Variants in SLC39A12 observed in about 807,000 individuals in gnomAD.
The protein encoded by SLC39A12 is zinc transporter ZIP12.
In SLC39A12, 63 loss-of-function variants were observed where a neutral mutation model predicts 71.1. The observed-to-expected ratio is 0.89, with a 90% CI of 0.72 to 1.09. SLC39A12 has a LOEUF of 1.09. SLC39A12 is among the 50% of genes least tolerant of loss of function. The pLI is 0.00. For missense variants in SLC39A12, 892 were observed against 812.6 expected, an observed-to-expected ratio of 1.10 and a Z score of -1.19; for synonymous variants, 351 against 301.3, an observed-to-expected ratio of 1.16 and a Z score of -1.71.
intron 1 of SLC39A12, among the ~76,000 whole-genome samples, chr10:17,952,776 C>T (rs1285169629): frequency 1.3e-5 from 2 of 152,136 alleles, no homozygotes. Context: ...TGTGAGCTAC[C>T]GCGCCTGGCC....
At chr10:17,997,038 GAAAAAGA>G (rs1334940461) in intron 10 of SLC39A12, among the ~76,000 whole-genome samples, 42 of 95,594 alleles carry the variant, frequency 4.4e-4, no homozygotes, top group African/African-American at 1.3e-3. Flanking sequence ...AAAAAAAAAA[GAAAAAGA>G]AAAAAGAAAA....
At chr10:18,042,463 GAAA>G (rs551298382) in intron 12 of SLC39A12, among the ~76,000 whole-genome samples, 14 of 115,050 alleles carry the variant, frequency 1.2e-4, no homozygotes, top group Admixed American at 5.0e-4. Flanking sequence ...TGCCTCAAAA[GAAA>G]AAAAAAAAAA....
chr10:18,013,357 T>TATG (rs2130864511), intron 12 of SLC39A12, among the ~76,000 whole-genome samples: 1 of 143,972 alleles, frequency 6.9e-6, no homozygotes, highest in Admixed American at 6.8e-5. Context: ...TTATTATTAT[T>TATG]ATTATTATTA....
In SLC39A12 at chr10:18,015,877, T is replaced by C. The variant is rs139986798; in HGVS notation, c.1947+12519T>C. 4.6e-5 allele frequency among the ~76,000 whole-genome samples: 7 copies of C among 152,248 alleles called. No homozygotes were observed. The East Asian group carries it at 1.4e-3, about 29-fold the overall frequency. On this transcript the variant is annotated intron_variant, in intron 12 of 12. Coordinates refer to ENST00000377369, the MANE Select transcript of SLC39A12 (RefSeq NM_001145195.2). ...GCATGACTGAAAAATGGATTTTTTT[T>C]TGGTTAAACTTTATTTTTAGGGCAG... is the stretch of plus-strand genomic sequence containing the variant.
chr10:18,040,217 A>G (rs993251945), intron 12 of SLC39A12, among the ~76,000 whole-genome samples: 1 of 152,178 alleles, frequency 6.6e-6, no homozygotes, highest in Non-Finnish European at 1.5e-5. Flanking sequence ...TTTATAATTG[A>G]TGAATCAGAT....
rs1438739668 is a variant in SLC39A12 at position 18,041,618 on chromosome 10, CATATGTATATATGTGTATAT to C, written c.1948-1075_1948-1056del. ...ATATATGTGTATATATATGTATATACATATGTATATATGTGTATATATATGTATATACATATGTATATATG... is the reference window on the plus strand; with the variant it reads ...ATATATGTGTATATATATGTATATACATATGTATATACATATGTATATATG... On this transcript the variant is annotated intron_variant, in intron 12 of 12. Coordinates refer to ENST00000377369, the MANE Select transcript of SLC39A12 (RefSeq NM_001145195.2). Among the ~76,000 whole-genome samples the C allele has an allele frequency of 9.6e-4, 121 of 126,004 alleles. 8 individuals are homozygous for C. The South Asian group carries it at 0.015, about 16-fold the overall frequency. The allele number at this position is 126,004 out of a possible 152,430, so 82.7% of individuals were successfully genotyped here. A position where few individuals can be genotyped will look rare whatever the true frequency, so the allele number is the denominator to read the frequency against.
At chr10:18,012,245 A>G (rs1400096989) in intron 12 of SLC39A12, among the ~76,000 whole-genome samples, 1 of 152,212 alleles carries the variant, frequency 6.6e-6, no homozygotes, top group Non-Finnish European at 1.5e-5. Context: ...ATTCCATGAA[A>G]AAAAGGAAAA....
At chr10:17,970,275 T>C (rs1834934330) in intron 4 of SLC39A12, among the ~76,000 whole-genome samples, 1 of 152,210 alleles carries the variant, frequency 6.6e-6, no homozygotes, top group Admixed American at 6.5e-5. Context: ...TCTGGATCTT[T>C]TGTGATTCCA....
chr10:18,036,804 T>A (rs1276788856), intron 12 of SLC39A12, among the ~76,000 whole-genome samples: 3 of 128,560 alleles, frequency 2.3e-5, no homozygotes, highest in African/African-American at 9.1e-5. Context: ...ATTTTTTTTT[T>A]TAATGGAATC....
At chr10:17,954,287 C>T (rs1554847525) in intron 2 of SLC39A12, among the ~76,000 whole-genome samples, 1 of 152,062 alleles carries the variant, frequency 6.6e-6, no homozygotes, top group Non-Finnish European at 1.5e-5. Flanking sequence ...AGAGTCTCGC[C>T]CTGTTGCCCA....
chr10:17,995,017 G>A (rs909391526), intron 9 of SLC39A12, among the ~76,000 whole-genome samples: 4 of 152,186 alleles, frequency 2.6e-5, no homozygotes, highest in Non-Finnish European at 5.9e-5. Context: ...ATAAAATCAC[G>A]TAATCTTACC....
Position 18,035,098 on chromosome 10 carries a change from A to G in SLC39A12, c.1948-7607A>G, listed in dbSNP as rs1467585118. On this transcript the variant is annotated intron_variant, in intron 12 of 12. Transcript: ENST00000377369. ...CCTTAACATTTTTTCCTTCATTTCA[A>G]CTTTGGTGAATCTGACAATTATGTG... 4.3e-5 allele frequency among the ~76,000 whole-genome samples: 6 copies of G among 139,934 alleles called. No homozygotes were observed. In the South Asian group the frequency reaches 9.4e-4, roughly 22 times the overall value. The allele number at this position is 139,934 out of a possible 152,430, so 91.8% of individuals were successfully genotyped here.
intron 12 of SLC39A12, among the ~76,000 whole-genome samples, chr10:18,020,573 T>A (rs536585152): frequency 6.6e-6 from 1 of 152,146 alleles, no homozygotes; most frequent in Non-Finnish European, 1.5e-5. Flanking sequence ...CTGAACTAAT[T>A]TACATTTTCA....
intron 12 of SLC39A12, among the ~76,000 whole-genome samples, chr10:18,038,668 A>C (rs953072789): frequency 6.6e-6 from 1 of 152,120 alleles, no homozygotes; most frequent in Non-Finnish European, 1.5e-5. Flanking sequence ...TAAATAAATA[A>C]ATAAATAAAT....
At chr10:18,000,591 T>G in intron 10 of SLC39A12, 76 bp from the exon 11 acceptor site, 3 of 1,357,490 alleles carry the variant, frequency 2.2e-6, no homozygotes, top group Non-Finnish European at 3.1e-6. Context: ...GGTGGGAAGG[T>G]TGGTTGGTTT....
At chr10:18,036,766 A>G (rs867107303) in intron 12 of SLC39A12, among the ~76,000 whole-genome samples, 1 of 15,192 alleles carries the variant, frequency 6.6e-5, no homozygotes, top group Non-Finnish European at 1.3e-4. Flanking sequence ...ATATATATAT[A>G]TATATATATA....
chr10:17,993,113 T>C (rs1835596818), intron 8 of SLC39A12, 68 bp from the exon 9 acceptor site: 2 of 1,113,216 alleles, frequency 1.8e-6, no homozygotes, highest in Non-Finnish European at 2.6e-6. Context: ...AATGGAACCG[T>C]GGCATTGACA....
rs201467975 is a variant in SLC39A12, at chr10:17,970,667, T to G, written c.751+4977T>G. On this transcript the variant is annotated intron_variant, in intron 4 of 12. Transcript: ENST00000377369. ...CTTTATTGGATTTTCTTATCAGTTC[T>G]AATAGTTTGTGTGTGTGTGTGTGTG... is the stretch of plus-strand genomic sequence containing the variant. Among the ~76,000 whole-genome samples, 13 of 140,074 alleles carry G rather than the reference T, an allele frequency of 9.3e-5. No homozygotes were observed. The East Asian group carries it at 2.7e-3, about 29-fold the overall frequency. 91.9% of individuals were successfully genotyped at this position (140,074 alleles called of 152,430 possible). A position where few individuals can be genotyped will look rare whatever the true frequency, so the allele number is the denominator to read the frequency against.
rs782211583 is a variant in SLC39A12 at position 17,953,395 on chromosome 10, C to G, written c.119C>G (p.Ser40Ter). ...SAQDSRSRGS[S>*]GQPADLLQVL... ...CAGGATAGCAGAAGCCGTGGGAGTT[C>G]AGGCCAACCGGCAGACCTGCTACAG... is the stretch of plus-strand genomic sequence containing the variant. Residue 40 changes from serine (S) to a stop codon, truncating the protein, a stop_gained, in exon 2 of 13, where the codon TCA becomes TGA. Coordinates refer to ENST00000377369, the MANE Select transcript of SLC39A12 (RefSeq NM_001145195.2). LOFTEE classifies it high-confidence loss of function. 1 of 1,614,050 alleles carries G rather than the reference C, an allele frequency of 6.2e-7. No individual in the cohort carries two copies. Among genetic ancestry groups the G allele is most frequent in the African/African-American group, 1.3e-5 (1 of 74,912 alleles).
Sources: gnomAD v4.1 joint callset for allele counts (sites outside exome capture counted in the v4.1 genomes callset) on GRCh38, gnomAD v4.1.1 for gene constraint, MANE v1.5 for transcripts, NCBI Gene and HGNC (gene_info 2026-07-23, HGNC 2026-07-21) for gene names.